Variants in DOK6 observed in about 807,000 individuals in gnomAD.
DOK6 encodes the protein downstream of tyrosine kinase 6.
Under a neutral mutation model 44.0 loss-of-function variants are expected in DOK6, and 22 were observed. That is an observed-to-expected ratio of 0.50 (90% CI 0.36 to 0.71). DOK6 has a LOEUF of 0.71. Among genes scored for constraint, DOK6 ranks in the 30% least tolerant of loss-of-function variants. The probability of loss-of-function intolerance (pLI) is 0.00; values close to 1 mark genes in which losing one functional copy is unlikely to be tolerated. For synonymous variants in DOK6, 166 were observed against 145.5 expected (o/e 1.14, Z -1.01); for missense variants, 340 against 416.4 (o/e 0.82, Z 1.60).
At chr18:69,484,796 T>G (rs543792995) in intron 1 of DOK6, among the ~76,000 whole-genome samples, 1 of 152,286 alleles carries the variant, frequency 6.6e-6, no homozygotes, top group South Asian at 2.1e-4. Context: ...TTAGGAGTCC[T>G]GGACAGCACT....
intron 1 of DOK6, among the ~76,000 whole-genome samples, chr18:69,483,091 ATGTT>A (rs1980475595): frequency 6.6e-6 from 1 of 151,706 alleles, no homozygotes; most frequent in Non-Finnish European, 1.5e-5. Flanking sequence ...CTATGTGTTC[ATGTT>A]TTCTCATCAT....
intron 1 of DOK6, among the ~76,000 whole-genome samples, chr18:69,470,523 C>T (rs527939582): frequency 1.3e-5 from 2 of 152,236 alleles, no homozygotes; most frequent in East Asian, 3.9e-4. Context: ...GGCCCTCCCT[C>T]AGTCATTTAT....
intron 1 of DOK6, among the ~76,000 whole-genome samples, chr18:69,434,409 G>A (rs1413032935): frequency 6.6e-6 from 1 of 152,254 alleles, no homozygotes; most frequent in Admixed American, 6.5e-5. Flanking sequence ...AATGAAAGAA[G>A]TAACAAGTGC....
At chr18:69,838,699 T>A (rs1290655157) in intron 7 of DOK6, among the ~76,000 whole-genome samples, 1 of 151,922 alleles carries the variant, frequency 6.6e-6, no homozygotes, top group Non-Finnish European at 1.5e-5. Context: ...GCAACATATA[T>A]ACCTGGTGTT....
chr18:69,591,779 C>T (rs899733855), intron 2 of DOK6, among the ~76,000 whole-genome samples: 7 of 152,010 alleles, frequency 4.6e-5, no homozygotes, highest in African/African-American at 7.2e-5. Flanking sequence ...AAGCATGTGA[C>T]ATGGTATCAG....
In DOK6 at chr18:69,527,969, T is replaced by C. The variant is rs150000820; in HGVS notation, c.67-36518T>C. The stretch of plus-strand genomic sequence containing the variant: ...ACGAGGTCAGGAGATCGATACCATC[T>C]TGGCTAACATGGTGAAACCCTGTCT... On this transcript the variant is annotated intron_variant, in intron 1 of 7. Coordinates refer to ENST00000382713, the MANE Select transcript of DOK6 (RefSeq NM_152721.6). Among the ~76,000 whole-genome samples the C allele has an allele frequency of 2.2e-3, 336 of 152,016 alleles. 1 individual carries two copies. Among genetic ancestry groups the C allele is most frequent in the East Asian group, 0.013 (68 of 5,158 alleles).
intron 6 of DOK6, among the ~76,000 whole-genome samples, chr18:69,746,259 TTTAA>T (rs1485257785): frequency 2.0e-5 from 3 of 152,174 alleles, no homozygotes; most frequent in Non-Finnish European, 4.4e-5. Context: ...ATTTTATTTA[TTTAA>T]TTATTTATTT....
At chr18:69,578,452 G>A (rs1305093730) in intron 2 of DOK6, among the ~76,000 whole-genome samples, 1 of 151,386 alleles carries the variant, frequency 6.6e-6, no homozygotes, top group Admixed American at 6.5e-5. Context: ...GAAAGTTTTT[G>A]AGAGAAATTC....
chr18:69,659,509 C>T lies in DOK6; in HGVS notation c.290-18225C>T, dbSNP rs182835472. Among the ~76,000 whole-genome samples, 150 of 152,260 alleles carry T rather than the reference C, an allele frequency of 9.9e-4. 1 individual carries two copies. Among genetic ancestry groups the T allele is most frequent in the African/African-American group, 3.5e-3 (147 of 41,540 alleles). On this transcript the variant is annotated intron_variant, in intron 3 of 7. Coordinates refer to ENST00000382713, the MANE Select transcript of DOK6 (RefSeq NM_152721.6). ...ATCCCCTGAGAAACTGAACATTGCTCACGTTTGCCAGCTGAATCCGGTTAA... is the reference window on the plus strand; with the variant it reads ...ATCCCCTGAGAAACTGAACATTGCTTACGTTTGCCAGCTGAATCCGGTTAA...
intron 1 of DOK6, among the ~76,000 whole-genome samples, chr18:69,517,804 G>A (rs34379941): frequency 0.19 from 28,028 of 151,292 alleles, 3,006 homozygotes; most frequent in Non-Finnish European, 0.24. Context: ...GTGGATGTGC[G>A]GATATCAGTC....
At chr18:69,761,395 A>G (rs1329603581) in intron 7 of DOK6, among the ~76,000 whole-genome samples, 1 of 152,160 alleles carries the variant, frequency 6.6e-6, no homozygotes. Flanking sequence ...ATTGTTGCCC[A>G]ACACTGCTGG....
At position 69,570,473 on chromosome 18, in the gene DOK6, G is replaced by A. The variant is rs1983088328; in HGVS notation, c.174+5879G>A. The stretch of plus-strand genomic sequence containing the variant: ...CTGGGACTTAAGGGACAATTTCCTA[G>A]TTAGTATTCCCATTGCAAAGAAAGA... On this transcript the variant is annotated intron_variant, in intron 2 of 7. Transcript: ENST00000382713. Among the ~76,000 whole-genome samples the A allele has an allele frequency of 1.3e-5, 2 of 152,016 alleles. 1 individual carries two copies. Among genetic ancestry groups the A allele is most frequent in the African/African-American group, 4.8e-5 (2 of 41,418 alleles).
chr18:69,608,705 A>G (rs1568309953), intron 3 of DOK6, among the ~76,000 whole-genome samples: 1 of 152,046 alleles, frequency 6.6e-6, no homozygotes, highest in African/African-American at 2.4e-5. Context: ...AAAGCATAGA[A>G]ATTTGGGAGG....
intron 7 of DOK6, among the ~76,000 whole-genome samples, chr18:69,766,947 C>T (rs11151537): frequency 0.53 from 81,170 of 152,008 alleles, 24,765 homozygotes; most frequent in East Asian, 0.7. Context: ...TGGCTTTAGG[C>T]CAGGTGTGGT....
chr18:69,688,077 T>C (rs1436236732), intron 4 of DOK6, among the ~76,000 whole-genome samples: 1 of 151,996 alleles, frequency 6.6e-6, no homozygotes, highest in Non-Finnish European at 1.5e-5. Context: ...AATTAAATAT[T>C]AAAATACCTT....
chr18:69,756,237 A>G (rs964039616), intron 6 of DOK6, among the ~76,000 whole-genome samples: 10 of 152,118 alleles, frequency 6.6e-5, no homozygotes, highest in African/African-American at 1.9e-4. Context: ...CAAACCACCC[A>G]AAGATTCTGA....
chr18:69,646,150 G>T (rs1335464307), intron 3 of DOK6, among the ~76,000 whole-genome samples: 1 of 152,080 alleles, frequency 6.6e-6, no homozygotes, highest in Non-Finnish European at 1.5e-5. Flanking sequence ...GTAGATTTGA[G>T]TTCCTTGATT....
chr18:69,627,255 G>A (rs1039203109), intron 3 of DOK6, among the ~76,000 whole-genome samples: 1 of 152,140 alleles, frequency 6.6e-6, no homozygotes, highest in Non-Finnish European at 1.5e-5. Flanking sequence ...CCTTCTTCAG[G>A]TGCAGAGAGT....
At chr18:69,672,778 C>A (rs757738450) in intron 3 of DOK6, among the ~76,000 whole-genome samples, 27 of 151,534 alleles carry the variant, frequency 1.8e-4, no homozygotes, top group Non-Finnish European at 1.5e-4. Context: ...TAGAAAGTCA[C>A]GCCAGTTTTC....
Sources: allele counts gnomAD v4.1 joint callset (sites outside exome capture counted in the v4.1 genomes callset), GRCh38; gene constraint gnomAD v4.1.1; transcripts MANE v1.5; gene names NCBI Gene and HGNC (gene_info 2026-07-23, HGNC 2026-07-21).